DNAJC3: variants seen among roughly 807,000 people sequenced by gnomAD.
DNAJC3 encodes dnaJ homolog subfamily C member 3.
In DNAJC3, 38 loss-of-function variants were observed where a neutral mutation model predicts 68.6. That is an observed-to-expected ratio of 0.55 (90% confidence interval 0.43 to 0.73). The LOEUF (loss-of-function observed/expected upper bound fraction) is 0.73. Ranked by LOEUF, DNAJC3 falls within the 30% of genes least tolerant of loss-of-function variation. The pLI, the probability that DNAJC3 is intolerant of heterozygous loss-of-function variation, is 0.00. For synonymous variants in DNAJC3, 203 were observed against 204.0 expected, an observed-to-expected ratio of 1.00 and a Z score of 0.04; for missense variants, 526 against 591.9, an observed-to-expected ratio of 0.89 and a Z score of 1.16.
At chr13:95,730,623 G>A (rs1336358948) in intron 4 of DNAJC3, among the ~76,000 whole-genome samples, 1 of 152,134 alleles carries the variant, frequency 6.6e-6, no homozygotes, top group Non-Finnish European at 1.5e-5. Context: ...GTTGCTGTAA[G>A]TACATGGATT....
At chr13:95,774,385 G>A (rs1412686346) in intron 9 of DNAJC3, among the ~76,000 whole-genome samples, 1 of 152,052 alleles carries the variant, frequency 6.6e-6, no homozygotes, top group Non-Finnish European at 1.5e-5. Context: ...TTCCATTGTG[G>A]TCAGAGAACA....
rs369316968 is a variant in DNAJC3, at chr13:95,791,265, A to G, written c.*235A>G. 2.6e-4 allele frequency: 137 copies of G among 526,136 alleles called. 1 individual carries two copies. The highest frequency in any genetic ancestry group is 2.3e-3 in the South Asian group (112 of 47,726). The allele number at this position is 526,136 out of a possible 1,614,324, so 32.6% of individuals were successfully genotyped here. ...TGACAGAGCAGCCTGCATCTGCTTTATGCTGTCTGGAGGGAAGTGGTCTGA... is the reference window on the plus strand; with the variant it reads ...TGACAGAGCAGCCTGCATCTGCTTTGTGCTGTCTGGAGGGAAGTGGTCTGA... On this transcript the variant is annotated 3_prime_UTR_variant, in exon 12 of 12. Transcript: ENST00000602402.
At chr13:95,688,927 G>GGTGTGTGT (rs57546561) in intron 1 of DNAJC3, among the ~76,000 whole-genome samples, 3 of 129,670 alleles carry the variant, frequency 2.3e-5, no homozygotes, top group Non-Finnish European at 4.9e-5. Context: ...TGATTGTGTG[G>GGTGTGTGT]GTGTGTGTGT....
At position 95,760,785 on chromosome 13, in the gene DNAJC3, A is replaced by G; in HGVS notation, c.835A>G (p.Ile279Val). 6.2e-7 allele frequency: 1 copy of G among 1,611,614 alleles called. No homozygotes were observed. ...GCTGATTGAGTCAGCTGAAGAGCTCATCAGAGATGGCAGGTGAGAATATGG... is the reference window on the plus strand; with the variant it reads ...GCTGATTGAGTCAGCTGAAGAGCTCGTCAGAGATGGCAGGTGAGAATATGG... ...NKLIESAEEL[I>V]RDGRYTDATS... The change falls in exon 7 of 12, where the codon ATC (isoleucine) becomes GTC (valine). Residue 279 changes from isoleucine (I) to valine (V), a missense_variant. Physicochemically the swap from Ile to Val is conservative, Grantham distance 29. Coordinates refer to ENST00000602402, the MANE Select transcript of DNAJC3 (RefSeq NM_006260.5).
chr13:95,678,362 C>A (rs1307905919), intron 1 of DNAJC3, among the ~76,000 whole-genome samples: 1 of 152,096 alleles, frequency 6.6e-6, no homozygotes, highest in Non-Finnish European at 1.5e-5. Flanking sequence ...TCTGAAAGTT[C>A]TCAACTTTTT....
At chr13:95,727,809 G>T (rs1881579496) in intron 4 of DNAJC3, among the ~76,000 whole-genome samples, 1 of 152,076 alleles carries the variant, frequency 6.6e-6, no homozygotes, top group African/African-American at 2.4e-5. Flanking sequence ...GTTGGTTCAT[G>T]TACCTACCAC....
intron 4 of DNAJC3, chr13:95,742,523 A>G (rs756035253): frequency 1.2e-4 from 50 of 424,188 alleles, no homozygotes; most frequent in Middle Eastern, 6.5e-4. Flanking sequence ...CACAGTGGCA[A>G]TGTGGACTGC....
chr13:95,756,090 A>G (rs1199776824), intron 4 of DNAJC3, among the ~76,000 whole-genome samples: 2 of 152,220 alleles, frequency 1.3e-5, no homozygotes, highest in African/African-American at 2.4e-5. Flanking sequence ...TTGAGAGGAA[A>G]AAAAGGTGCA....
chr13:95,783,994 C>T (rs543772333), intron 9 of DNAJC3, among the ~76,000 whole-genome samples: 1 of 152,304 alleles, frequency 6.6e-6, no homozygotes, highest in South Asian at 2.1e-4. Flanking sequence ...GTGCACACTC[C>T]TCCCAGCGTG....
At chr13:95,715,155 G>A (rs558970832) in intron 2 of DNAJC3, among the ~76,000 whole-genome samples, 4 of 152,336 alleles carry the variant, frequency 2.6e-5, no homozygotes, top group East Asian at 1.9e-4. Context: ...GAGCACTTTC[G>A]AAGGCTGAGG....
rs36052714 is a variant in DNAJC3, at chr13:95,785,452, CTTTTTTT to C, written c.1076-469_1076-463del. ...GTTTTCATTATTATGCCTTTTAAAC[CTTTTTTT>C]TTTTTTTTTTTTTTTTTGAGACGGA... On this transcript the variant is annotated intron_variant, in intron 9 of 11. Coordinates refer to ENST00000602402, the MANE Select transcript of DNAJC3 (RefSeq NM_006260.5). Among the ~76,000 whole-genome samples the C allele has an allele frequency of 3.8e-5, 3 of 77,928 alleles. No individual in the cohort carries two copies. The East Asian group carries it at 1.2e-3, about 32-fold the overall frequency. The allele number at this position is 77,928 out of a possible 152,430, so 51.1% of individuals were successfully genotyped here. A position where few individuals can be genotyped will look rare whatever the true frequency, so the allele number is the denominator to read the frequency against.
intron 1 of DNAJC3, among the ~76,000 whole-genome samples, chr13:95,679,818 AT>A (rs1879867067): frequency 6.6e-6 from 1 of 152,248 alleles, no homozygotes. Flanking sequence ...ATACAATACA[AT>A]TCACTTTTAA....
chr13:95,717,755 A>G (rs1881198291), intron 2 of DNAJC3, among the ~76,000 whole-genome samples: 1 of 152,178 alleles, frequency 6.6e-6, no homozygotes, highest in African/African-American at 2.4e-5. Flanking sequence ...GCTGCCATGT[A>G]AGATGTGCCT....
At chr13:95,690,028 C>T (rs1566467232) in intron 1 of DNAJC3, among the ~76,000 whole-genome samples, 3 of 148,878 alleles carry the variant, frequency 2.0e-5, no homozygotes, top group Non-Finnish European at 3.0e-5. Context: ...GGGTGTTTCT[C>T]GCAGAGGGGG....
chr13:95,794,733 A>G lies in DNAJC3; in HGVS notation c.*3703A>G, dbSNP rs1883909327. 1 of 152,198 alleles carries G rather than the reference A, an allele frequency of 6.6e-6. No homozygotes were observed. The highest frequency in any genetic ancestry group is 2.4e-5 in the African/African-American group (1 of 41,460). The allele number at this position is 152,198 out of a possible 1,614,324, so 9.4% of individuals were successfully genotyped here. On this transcript the variant is annotated 3_prime_UTR_variant, in exon 12 of 12. Coordinates refer to ENST00000602402, the MANE Select transcript of DNAJC3 (RefSeq NM_006260.5). ...TGTTGCACTTGTCTGTGGCTGAAAC[A>G]CTTACCTGCAGTGGAAAGCCGAGCA...
chr13:95,724,773 A>G (rs1202530629), intron 3 of DNAJC3, among the ~76,000 whole-genome samples: 1 of 152,178 alleles, frequency 6.6e-6, no homozygotes, highest in East Asian at 1.9e-4. Flanking sequence ...TTCACTTAGC[A>G]TAGTGTTTTC....
chr13:95,702,774 A>G (rs1407542896), intron 1 of DNAJC3, among the ~76,000 whole-genome samples: 1 of 152,228 alleles, frequency 6.6e-6, no homozygotes, highest in Non-Finnish European at 1.5e-5. Flanking sequence ...GCCTGAATAG[A>G]AGAACTGAGA....
At chr13:95,710,343 A>G (rs1259583511) in intron 2 of DNAJC3, among the ~76,000 whole-genome samples, 4 of 151,236 alleles carry the variant, frequency 2.6e-5, no homozygotes, top group African/African-American at 9.7e-5. Context: ...AGCCTCCTGA[A>G]TAGCTGGGAT....
intron 4 of DNAJC3, among the ~76,000 whole-genome samples, chr13:95,727,202 T>G (rs542880696): frequency 6.6e-6 from 1 of 152,324 alleles, no homozygotes; most frequent in South Asian, 2.1e-4. Context: ...AGGTTTTTTT[T>G]TTTTCCAATT....
Sources: gnomAD v4.1 joint callset for allele counts (sites outside exome capture counted in the v4.1 genomes callset) on GRCh38, gnomAD v4.1.1 for gene constraint, MANE v1.5 for transcripts, NCBI Gene and HGNC (gene_info 2026-07-23, HGNC 2026-07-21) for gene names.